The following RALYL variants were observed in gnomAD, a reference collection of about 807,000 sequenced individuals.
The protein encoded by RALYL is RALY RNA binding protein like, also known as RNA-binding Raly-like protein.
RALYL carries 29 observed loss-of-function variants against 35.1 expected under a neutral mutation model. The observed-to-expected ratio is 0.83, with a 90% CI of 0.61 to 1.13. The LOEUF (loss-of-function observed/expected upper bound fraction) is 1.13. Ranked by LOEUF, RALYL falls within the 50% of genes most tolerant of loss-of-function variation. The probability of loss-of-function intolerance (pLI) is 0.00; values close to 1 mark genes in which losing one functional copy is unlikely to be tolerated. For missense variants in RALYL, 359 were observed against 360.4 expected (o/e 1.00, Z 0.03); for synonymous variants, 120 against 127.6 (o/e 0.94, Z 0.40).
rs180688988 is a variant in RALYL at position 84,726,560 on chromosome 8, G to T, written c.257-48019G>T. 2.0e-3 allele frequency among the ~76,000 whole-genome samples: 298 copies of T among 151,628 alleles called. 1 individual carries two copies. The highest frequency in any genetic ancestry group is 6.7e-3 in the African/African-American group (279 of 41,434). On this transcript the variant is annotated intron_variant, in intron 2 of 8. Transcript: ENST00000521268. ...ATTTCTAACAAGTGTTTATAAGGTA[G>T]AAATTGCCTTAAATTCACATTTAAA...
chr8:84,345,677 G>T (rs143469196), intron 1 of RALYL, among the ~76,000 whole-genome samples: 1 of 151,710 alleles, frequency 6.6e-6, no homozygotes. Context: ...CTTCCTTCAC[G>T]CCCTAATATA....
At chr8:84,655,483 C>A (rs1430471234) in intron 2 of RALYL, among the ~76,000 whole-genome samples, 2 of 152,030 alleles carry the variant, frequency 1.3e-5, no homozygotes, top group East Asian at 3.9e-4. Context: ...TGCACATCAC[C>A]ATGCGCAGCT....
At chr8:84,257,836 A>T (rs1831484398) in intron 1 of RALYL, among the ~76,000 whole-genome samples, 2 of 152,146 alleles carry the variant, frequency 1.3e-5, no homozygotes, top group Admixed American at 1.3e-4. Context: ...CAGTTTGTGG[A>T]TATTTAAAAC....
chr8:84,481,816 G>A (rs984925258), intron 1 of RALYL, among the ~76,000 whole-genome samples: 11 of 152,024 alleles, frequency 7.2e-5, no homozygotes, highest in African/African-American at 2.7e-4. Context: ...GAAGGCCAAG[G>A]ATGAGATTTC....
intron 8 of RALYL, among the ~76,000 whole-genome samples, chr8:84,904,831 A>G (rs1037808407): frequency 3.3e-5 from 5 of 151,968 alleles, no homozygotes; most frequent in African/African-American, 7.3e-5. Context: ...TCTGGTTTCT[A>G]TGTTGCCTCT....
At chr8:84,497,945 G>T (rs1314407115) in intron 1 of RALYL, among the ~76,000 whole-genome samples, 1 of 117,578 alleles carries the variant, frequency 8.5e-6, no homozygotes, top group Middle Eastern at 4.0e-3. Context: ...CCAGCCTAAG[G>T]TTGCTTTTTA....
chr8:84,370,777 G>T (rs1855522279), intron 1 of RALYL, among the ~76,000 whole-genome samples: 1 of 152,010 alleles, frequency 6.6e-6, no homozygotes, highest in African/African-American at 2.4e-5. Flanking sequence ...CCTGGAAACA[G>T]AATGAGGGTA....
chr8:84,234,209 CTGCTAATTTCTCCTCTT>C (rs1267980592), intron 1 of RALYL, among the ~76,000 whole-genome samples: 3 of 152,190 alleles, frequency 2.0e-5, no homozygotes, highest in Admixed American at 2.0e-4. Flanking sequence ...AGTCTAGTCA[CTGCTAATTTCTCCTCTT>C]TGCTCATCAT....
intron 2 of RALYL, among the ~76,000 whole-genome samples, chr8:84,609,381 G>C (rs1331513851): frequency 6.6e-6 from 1 of 152,074 alleles, no homozygotes; most frequent in Non-Finnish European, 1.5e-5. Context: ...AATTATATAC[G>C]TGAAAGTATT....
At chr8:84,656,954 T>C (rs1830069605) in intron 2 of RALYL, among the ~76,000 whole-genome samples, 1 of 152,098 alleles carries the variant, frequency 6.6e-6, no homozygotes, top group Admixed American at 6.6e-5. Context: ...AAAAAATGTT[T>C]TATGAGGCAA....
At chr8:84,645,565 T>C (rs1049275466) in intron 2 of RALYL, among the ~76,000 whole-genome samples, 2 of 152,086 alleles carry the variant, frequency 1.3e-5, no homozygotes, top group Non-Finnish European at 2.9e-5. Context: ...GAATATATTA[T>C]GTTTACATAT....
intron 1 of RALYL, among the ~76,000 whole-genome samples, chr8:84,211,671 G>T (rs764818339): frequency 5.6e-4 from 85 of 152,116 alleles, no homozygotes; most frequent in Non-Finnish European, 1.1e-3. Context: ...GATGAATGGT[G>T]ATGAATTCCA....
chr8:84,346,071 TTA>T, intron 1 of RALYL: 3 of 984,190 alleles, frequency 3.0e-6, no homozygotes, highest in Non-Finnish European at 3.6e-6. Context: ...GCTTGGTTGC[TTA>T]TATGTTTTCA....
chr8:84,650,617 G>A (rs2131513284), intron 2 of RALYL, among the ~76,000 whole-genome samples: 1 of 152,134 alleles, frequency 6.6e-6, no homozygotes, highest in South Asian at 2.1e-4. Context: ...CTTTTACACT[G>A]TTGGTGGGAC....
intron 2 of RALYL, among the ~76,000 whole-genome samples, chr8:84,736,795 G>A (rs1009893635): frequency 4.6e-5 from 7 of 152,000 alleles, no homozygotes; most frequent in Admixed American, 2.6e-4. Context: ...GTCTTTACCT[G>A]AAGTTTAGAA....
intron 2 of RALYL, among the ~76,000 whole-genome samples, chr8:84,651,574 C>A (rs953099376): frequency 6.6e-6 from 1 of 151,878 alleles, no homozygotes; most frequent in Non-Finnish European, 1.5e-5. Context: ...TTTATTTGAT[C>A]TTGAAAAGTT....
At chr8:84,431,820 T>C (rs2047177359) in intron 1 of RALYL, among the ~76,000 whole-genome samples, 1 of 152,156 alleles carries the variant, frequency 6.6e-6, no homozygotes, top group African/African-American at 2.4e-5. Context: ...ATTTCATATC[T>C]TGGCTAATGT....
chr8:84,640,883 C>A (rs888395538), intron 2 of RALYL, among the ~76,000 whole-genome samples: 4 of 151,848 alleles, frequency 2.6e-5, no homozygotes, highest in African/African-American at 9.7e-5. Flanking sequence ...ACACAGGGGA[C>A]CAATCTTATA....
intron 8 of RALYL, among the ~76,000 whole-genome samples, chr8:84,916,983 ATTGT>A (rs1244689344): frequency 1.1e-4 from 16 of 150,926 alleles, no homozygotes; most frequent in African/African-American, 3.5e-4. Flanking sequence ...TCCTTTTATG[ATTGT>A]TTCATAGTAT....
Sources: gnomAD v4.1 joint callset for allele counts (sites outside exome capture counted in the v4.1 genomes callset) on GRCh38, gnomAD v4.1.1 for gene constraint, MANE v1.5 for transcripts, NCBI Gene and HGNC (gene_info 2026-07-23, HGNC 2026-07-21) for gene names.